The following GATAD2B variants were observed in gnomAD, a reference collection of about 807,000 sequenced individuals.
GATAD2B encodes the protein transcriptional repressor p66-beta.
In GATAD2B, 8 loss-of-function variants were observed where a neutral mutation model predicts 64.3. The ratio of observed to expected loss-of-function variants is 0.12; its 90% CI spans 0.07 to 0.22. The LOEUF (loss-of-function observed/expected upper bound fraction) is 0.22, where lower values mean the gene tolerates loss of function less well. GATAD2B is among the 10% of genes least tolerant of loss of function. The pLI, the probability that GATAD2B is intolerant of heterozygous loss-of-function variation, is 1.00. For missense variants in GATAD2B, 453 were observed against 752.0 expected, an observed-to-expected ratio of 0.60 and a Z score of 4.65; for synonymous variants, 281 against 271.3, an observed-to-expected ratio of 1.04 and a Z score of -0.35.
chr1:153,887,255 A>G (rs1034541305), intron 1 of GATAD2B, among the ~76,000 whole-genome samples: 1 of 152,206 alleles, frequency 6.6e-6, no homozygotes, highest in African/African-American at 2.4e-5. Context: ...TAATACAAAG[A>G]AAACCATTTG....
chr1:153,888,044 G>A (rs1322528846), intron 1 of GATAD2B, among the ~76,000 whole-genome samples: 2 of 150,244 alleles, frequency 1.3e-5, no homozygotes, highest in Non-Finnish European at 3.0e-5. Flanking sequence ...CTGAGATCGC[G>A]CCACTGCACT....
intron 1 of GATAD2B, chr1:153,914,653 G>A (rs929487050): frequency 6.6e-6 from 1 of 152,228 alleles, no homozygotes; most frequent in Non-Finnish European, 1.5e-5. Flanking sequence ...ACACAGCAAG[G>A]CTGGGTGTAG....
intron 1 of GATAD2B, among the ~76,000 whole-genome samples, chr1:153,904,123 T>C (rs1382769458): frequency 2.6e-5 from 4 of 151,836 alleles, no homozygotes; most frequent in African/African-American, 7.3e-5. Context: ...CTACTAAAAA[T>C]ACAAATATTA....
chr1:153,880,985 T>C (rs538727831), intron 1 of GATAD2B, among the ~76,000 whole-genome samples: 1 of 152,046 alleles, frequency 6.6e-6, no homozygotes, highest in Non-Finnish European at 1.5e-5. Context: ...GAAAAAAGTG[T>C]ATGTGTGGAT....
chr1:153,839,566 A>C (rs984092094), intron 1 of GATAD2B, among the ~76,000 whole-genome samples: 3 of 152,214 alleles, frequency 2.0e-5, no homozygotes, highest in African/African-American at 7.2e-5. Flanking sequence ...TTAAAGTAGT[A>C]ATAGTCTAAA....
intron 1 of GATAD2B, among the ~76,000 whole-genome samples, chr1:153,875,683 G>GA (rs11340415): frequency 0.29 from 22,382 of 78,240 alleles, 2,505 homozygotes; most frequent in Middle Eastern, 0.35. Flanking sequence ...AGTTTGGAGG[G>GA]AAAAAAAAAA....
intron 1 of GATAD2B, among the ~76,000 whole-genome samples, chr1:153,897,307 G>A (rs1677627689): frequency 6.6e-6 from 1 of 152,124 alleles, no homozygotes; most frequent in African/African-American, 2.4e-5. Flanking sequence ...GGGATTACAG[G>A]CGTGAGCCAC....
intron 3 of GATAD2B, 28 bp from the exon 4 acceptor site, chr1:153,818,950 T>C (rs376403761): frequency 1.4e-5 from 22 of 1,603,292 alleles, no homozygotes; most frequent in South Asian, 9.9e-5. Context: ...CTTTCAGCTA[T>C]GGCAGCAAGG....
chr1:153,823,169 T>TA (rs1297411044), intron 2 of GATAD2B, among the ~76,000 whole-genome samples: 4 of 152,208 alleles, frequency 2.6e-5, no homozygotes, highest in African/African-American at 9.6e-5. Context: ...TTTTGCTCTT[T>TA]TCCTAAACAT....
intron 5 of GATAD2B, 98 bp downstream of exon 5, chr1:153,817,942 C>A (rs1046095871): frequency 1.4e-5 from 15 of 1,090,438 alleles, no homozygotes; most frequent in Non-Finnish European, 1.8e-5. Context: ...ACACCTCTAT[C>A]ATGGCCAGGT....
At chr1:153,913,102 A>AT (rs1678155642) in intron 1 of GATAD2B, among the ~76,000 whole-genome samples, 1 of 148,902 alleles carries the variant, frequency 6.7e-6, no homozygotes, top group Admixed American at 6.7e-5. Context: ...AAAAAATTGT[A>AT]TTTTTAGTAG....
chr1:153,832,460 C>A (rs1675112552), intron 1 of GATAD2B, among the ~76,000 whole-genome samples: 1 of 152,038 alleles, frequency 6.6e-6, no homozygotes, highest in Non-Finnish European at 1.5e-5. Context: ...GAGGAAGCTG[C>A]AAAAGAAAAG....
intron 1 of GATAD2B, among the ~76,000 whole-genome samples, chr1:153,854,845 T>A (rs1424740936): frequency 6.6e-6 from 1 of 152,142 alleles, no homozygotes; most frequent in Non-Finnish European, 1.5e-5. Flanking sequence ...ACCGTAGGGA[T>A]CAAACTTTTC....
At chr1:153,838,389 C>A (rs1310103653) in intron 1 of GATAD2B, among the ~76,000 whole-genome samples, 1 of 152,152 alleles carries the variant, frequency 6.6e-6, no homozygotes, top group Non-Finnish European at 1.5e-5. Flanking sequence ...TGGATGTTTA[C>A]ATGAACTCAT....
rs569001725 is a variant in GATAD2B, at chr1:153,813,193, G to A, written c.1419+57C>T. ...ACCACTCCTGCAAACTAGAAGGCGCGACCCTTTGGAAAAAACAAACTGGGA... is the reference window on the plus strand; with the variant it reads ...ACCACTCCTGCAAACTAGAAGGCGCAACCCTTTGGAAAAAACAAACTGGGA... On this transcript the variant is annotated intron_variant, in intron 8 of 10. Transcript: ENST00000368655. The A allele has an allele frequency of 3.6e-5, 50 of 1,398,300 alleles. No homozygotes were observed. In the East Asian group the frequency reaches 6.6e-4, roughly 18 times the overall value. The allele number at this position is 1,398,300 out of a possible 1,614,324, so 86.6% of individuals were successfully genotyped here. A position where few individuals can be genotyped will look rare whatever the true frequency, so the allele number is the denominator to read the frequency against.
chr1:153,919,087 G>A (rs1157107646), intron 1 of GATAD2B, among the ~76,000 whole-genome samples: 1 of 152,172 alleles, frequency 6.6e-6, no homozygotes, highest in Non-Finnish European at 1.5e-5. Flanking sequence ...TTAATAACAA[G>A]TTCACACATT....
intron 1 of GATAD2B, among the ~76,000 whole-genome samples, chr1:153,840,888 G>T (rs1675463837): frequency 6.6e-6 from 1 of 152,074 alleles, no homozygotes; most frequent in Admixed American, 6.6e-5. Flanking sequence ...CACTCTGGGA[G>T]GCCGAGGAGA....
chr1:153,899,285 T>G (rs1369710614), intron 1 of GATAD2B, among the ~76,000 whole-genome samples: 1 of 152,074 alleles, frequency 6.6e-6, no homozygotes, highest in Non-Finnish European at 1.5e-5. Flanking sequence ...AAAAGCCTCC[T>G]TTGCCAGGCA....
chr1:153,813,586 T>C, intron 7 of GATAD2B, 134 bp from the exon 8 acceptor site: 2 of 654,400 alleles, frequency 3.1e-6, no homozygotes, highest in South Asian at 3.9e-5. Flanking sequence ...TATTCTATAA[T>C]TTACAAAATA....
Sources: gnomAD v4.1 joint callset for allele counts (sites outside exome capture counted in the v4.1 genomes callset) on GRCh38, gnomAD v4.1.1 for gene constraint, MANE v1.5 for transcripts, NCBI Gene and HGNC (gene_info 2026-07-23, HGNC 2026-07-21) for gene names.